The following CFAP61 variants were observed in gnomAD, a reference collection of about 807,000 sequenced individuals.
CFAP61 encodes the protein cilia- and flagella-associated protein 61.
Under a neutral mutation model 135.6 loss-of-function variants are expected in CFAP61, and 107 were observed. The ratio of observed to expected loss-of-function variants is 0.79; its 90% confidence interval spans 0.67 to 0.93. The LOEUF (loss-of-function observed/expected upper bound fraction) is 0.93, where lower values mean the gene tolerates loss of function less well. Ranked by LOEUF, CFAP61 falls within the 40% of genes least tolerant of loss-of-function variation. CFAP61 has a pLI of 0.00. For synonymous variants in CFAP61, 575 were observed against 578.5 expected, an observed-to-expected ratio of 0.99 and a Z score of 0.09; for missense variants, 1,507 against 1,556.2, an observed-to-expected ratio of 0.97 and a Z score of 0.53.
intron 17 of CFAP61, among the ~76,000 whole-genome samples, chr20:20,222,959 G>T (rs1340328977): frequency 1.3e-5 from 2 of 152,190 alleles, no homozygotes. Context: ...ACGGATTTCA[G>T]AAATTTTATT....
chr20:20,159,821 C>T (rs1171499929), intron 10 of CFAP61, among the ~76,000 whole-genome samples: 1 of 152,198 alleles, frequency 6.6e-6, no homozygotes, highest in East Asian at 1.9e-4. Context: ...ACACTTCTGT[C>T]CGTGTCTAGG....
At chr20:20,091,951 G>A (rs972129745) in intron 7 of CFAP61, among the ~76,000 whole-genome samples, 8 of 152,140 alleles carry the variant, frequency 5.3e-5, no homozygotes, top group African/African-American at 1.9e-4. Flanking sequence ...CAAAGTGCTG[G>A]GATTACAGGC....
At chr20:20,131,185 A>G (rs1470511639) in intron 8 of CFAP61, among the ~76,000 whole-genome samples, 2 of 151,670 alleles carry the variant, frequency 1.3e-5, no homozygotes, top group East Asian at 1.9e-4. Context: ...GTTCTGGGAT[A>G]TTGCTGGTAA....
chr20:20,060,621 G>C (rs1386663300), intron 2 of CFAP61, among the ~76,000 whole-genome samples: 1 of 152,170 alleles, frequency 6.6e-6, no homozygotes, highest in Non-Finnish European at 1.5e-5. Flanking sequence ...GGCTCCCCTG[G>C]CTCCAATGAG....
intron 25 of CFAP61, among the ~76,000 whole-genome samples, chr20:20,327,401 A>C (rs2057792545): frequency 6.6e-6 from 1 of 152,210 alleles, no homozygotes; most frequent in African/African-American, 2.4e-5. Flanking sequence ...TTCGAAGGCC[A>C]GTGCATATTT....
At chr20:20,247,998 T>C (rs980244926) in intron 19 of CFAP61, among the ~76,000 whole-genome samples, 2 of 152,368 alleles carry the variant, frequency 1.3e-5, no homozygotes, top group Middle Eastern at 6.8e-3. Context: ...TTCATATTTA[T>C]ATCCAGAATC....
chr20:20,141,152 C>G (rs1374155550), intron 8 of CFAP61, among the ~76,000 whole-genome samples: 1 of 152,064 alleles, frequency 6.6e-6, no homozygotes, highest in Non-Finnish European at 1.5e-5. Context: ...AACTCCTGAC[C>G]TCAGGTGATC....
At chr20:20,064,881 G>A (rs905692197) in intron 2 of CFAP61, among the ~76,000 whole-genome samples, 1 of 152,100 alleles carries the variant, frequency 6.6e-6, no homozygotes, top group African/African-American at 2.4e-5. Flanking sequence ...AAAGGTTCAG[G>A]GTAATCTGAA....
At chr20:20,183,754 A>G (rs2055293401) in intron 13 of CFAP61, among the ~76,000 whole-genome samples, 1 of 152,206 alleles carries the variant, frequency 6.6e-6, no homozygotes, top group Non-Finnish European at 1.5e-5. Context: ...TACCAAGTCC[A>G]CAATTCAGTG....
chr20:20,128,870 TAAAATCAAAGA>T (rs1451773425), intron 8 of CFAP61, among the ~76,000 whole-genome samples: 1 of 151,696 alleles, frequency 6.6e-6, no homozygotes, highest in African/African-American at 2.4e-5. Context: ...TCACAAAAAA[TAAAATCAAAGA>T]AAAATCTAGA....
At chr20:20,247,294 G>A (rs555409866) in intron 19 of CFAP61, among the ~76,000 whole-genome samples, 5 of 152,296 alleles carry the variant, frequency 3.3e-5, no homozygotes, top group South Asian at 2.1e-4. Context: ...TTCCATCAGC[G>A]TAGTGAAAGT....
chr20:20,341,585 A>G (rs571350846), intron 25 of CFAP61, among the ~76,000 whole-genome samples: 1 of 152,308 alleles, frequency 6.6e-6, no homozygotes, highest in South Asian at 2.1e-4. Flanking sequence ...TAAAATCAGG[A>G]TTCTTCACTG....
chr20:20,125,109 T>G (rs930179826), intron 8 of CFAP61, among the ~76,000 whole-genome samples: 3 of 151,886 alleles, frequency 2.0e-5, no homozygotes, highest in African/African-American at 4.9e-5. Context: ...ATATTCTCTC[T>G]TCTTTTCTTG....
chr20:20,305,144 C>T (rs1462469470), intron 25 of CFAP61, among the ~76,000 whole-genome samples: 2 of 152,240 alleles, frequency 1.3e-5, no homozygotes, highest in Non-Finnish European at 2.9e-5. Flanking sequence ...TCCCCGCACA[C>T]GCCGGTGGCC....
intron 25 of CFAP61, among the ~76,000 whole-genome samples, chr20:20,336,760 G>A (rs1007344854): frequency 1.3e-5 from 2 of 152,216 alleles, no homozygotes; most frequent in African/African-American, 4.8e-5. Context: ...AAGCTGCAGA[G>A]AGGACAAAGA....
intron 10 of CFAP61, among the ~76,000 whole-genome samples, chr20:20,160,347 C>A (rs575667288): frequency 1.3e-5 from 2 of 152,150 alleles, no homozygotes; most frequent in Non-Finnish European, 2.9e-5. Context: ...GAACACTAAG[C>A]CCAGACACTG....
At chr20:20,236,929 T>TA (rs2049638153) in intron 18 of CFAP61, among the ~76,000 whole-genome samples, 1 of 152,222 alleles carries the variant, frequency 6.6e-6, no homozygotes, top group African/African-American at 2.4e-5. Flanking sequence ...AACATATGCT[T>TA]AAAGTATAAA....
Position 20,251,679 on chromosome 20 carries a change from C to G in CFAP61, c.2244C>G (p.Asp748Glu). 1 of 1,614,246 alleles carries G rather than the reference C, an allele frequency of 6.2e-7. No individual in the cohort carries two copies. Among genetic ancestry groups the G allele is most frequent in the South Asian group, 1.1e-5 (1 of 91,090 alleles). ...TGGTGGGTAGAATGACCGGCATAGA[C>G]CGAGCAGCCAAGCACGTTGTGCTTT... Reference protein sequence around the residue: ...NVVVGRMTGIDRAAKHVVLST... With the variant: ...NVVVGRMTGIERAAKHVVLST... Residue 748 changes from aspartate (D) to glutamate (E), a missense_variant, in exon 20 of 27, where the codon GAC (aspartate) becomes GAG (glutamate). Transcript: ENST00000245957.
chr20:20,194,637 C>T (rs1445691960), intron 15 of CFAP61, among the ~76,000 whole-genome samples: 2 of 152,162 alleles, frequency 1.3e-5, no homozygotes, highest in Non-Finnish European at 2.9e-5. Flanking sequence ...GTATCCTTGA[C>T]AGTTGTGCTT....
Sources: gnomAD v4.1 joint callset for allele counts (sites outside exome capture counted in the v4.1 genomes callset) on GRCh38, gnomAD v4.1.1 for gene constraint, MANE v1.5 for transcripts, NCBI Gene and HGNC (gene_info 2026-07-23, HGNC 2026-07-21) for gene names.